ACBD5: variants seen among roughly 807,000 people sequenced by gnomAD.
ACBD5 encodes acyl-CoA-binding domain-containing protein 5.
Under a neutral mutation model 71.8 loss-of-function variants are expected in ACBD5, and 40 were observed. That is an observed-to-expected ratio of 0.56 (90% CI 0.43 to 0.72). ACBD5 has a LOEUF of 0.72. Ranked by LOEUF, ACBD5 falls within the 30% of genes least tolerant of loss-of-function variation. The pLI, the probability that ACBD5 is intolerant of heterozygous loss-of-function variation, is 0.00. For missense variants in ACBD5, 559 were observed against 644.5 expected (o/e 0.87, Z 1.44); for synonymous variants, 229 against 218.6 (o/e 1.05, Z -0.42).
rs904640753 is a variant in ACBD5 at position 27,217,876 on chromosome 10, T to C, written c.829+104A>G. On this transcript the variant is annotated intron_variant, in intron 7 of 12. Transcript: ENST00000396271. Reference sequence around the variant, plus strand: ...AATATTAATAAGCCCTAAGATATTATTAAATAAGAGATTTTTAAATTAAAC... The same window carrying C: ...AATATTAATAAGCCCTAAGATATTACTAAATAAGAGATTTTTAAATTAAAC... 4.7e-6 allele frequency: 5 copies of C among 1,074,624 alleles called. No homozygotes were observed. In the Admixed American group the frequency reaches 1.1e-4, roughly 25 times the overall value. 66.6% of individuals were successfully genotyped at this position (1,074,624 alleles called of 1,614,324 possible).
At chr10:27,209,890 C>T (rs1298050347) in intron 9 of ACBD5, among the ~76,000 whole-genome samples, 1 of 152,130 alleles carries the variant, frequency 6.6e-6, no homozygotes, top group Admixed American at 6.5e-5. Context: ...TTCACTCAAC[C>T]ATTCTCCACT....
chr10:27,237,615 G>C (rs964528604), intron 2 of ACBD5, among the ~76,000 whole-genome samples: 4 of 128,458 alleles, frequency 3.1e-5, no homozygotes, highest in African/African-American at 1.2e-4. Flanking sequence ...CCATTTGATA[G>C]GATATCTTTT....
chr10:27,199,865 G>A (rs1164278611), intron 12 of ACBD5, among the ~76,000 whole-genome samples: 2 of 152,034 alleles, frequency 1.3e-5, no homozygotes, highest in Non-Finnish European at 2.9e-5. Flanking sequence ...GGTGGCGGGC[G>A]CCTGTAGTCC....
chr10:27,241,908 G>C (rs1481858299), upstream of ACBD5: 1 of 377,390 alleles, frequency 2.6e-6, no homozygotes, highest in African/African-American at 2.1e-5. Flanking sequence ...GGTTGTGGGG[G>C]GTGGAGTCCT....
At chr10:27,224,801 C>G (rs555474188) in intron 4 of ACBD5, among the ~76,000 whole-genome samples, 1 of 152,038 alleles carries the variant, frequency 6.6e-6, no homozygotes, top group Admixed American at 6.6e-5. Context: ...GAGGCTGAGG[C>G]AGGAGGATCA....
At chr10:27,226,588 T>C (rs536100089) in intron 4 of ACBD5, among the ~76,000 whole-genome samples, 51 of 151,934 alleles carry the variant, frequency 3.4e-4, no homozygotes, top group Middle Eastern at 3.4e-3. Flanking sequence ...TCGGGCAGCA[T>C]GTGGCCCAAG....
chr10:27,190,165 A>T (rs186060592), intron 13 of ACBD5, among the ~76,000 whole-genome samples: 1 of 152,204 alleles, frequency 6.6e-6, no homozygotes, highest in African/African-American at 2.4e-5. Context: ...CGCGCCAGTA[A>T]TCCCAGCTGC....
At chr10:27,210,759 C>A in intron 9 of ACBD5, 55 bp downstream of exon 9, 1 of 1,612,822 alleles carries the variant, frequency 6.2e-7, no homozygotes, top group South Asian at 1.1e-5. Flanking sequence ...GACTCCATCT[C>A]AAAAATAAGT....
At chr10:27,224,799 G>C (rs1378031425) in intron 4 of ACBD5, among the ~76,000 whole-genome samples, 2 of 150,412 alleles carry the variant, frequency 1.3e-5, no homozygotes, top group Non-Finnish European at 2.9e-5. Context: ...GGGAGGCTGA[G>C]GCAGGAGGAT....
chr10:27,237,170 C>T lies in ACBD5; in HGVS notation c.182-1958G>A, dbSNP rs2064821502. On this transcript the variant is annotated intron_variant, in intron 2 of 12. Transcript: ENST00000396271. The stretch of plus-strand genomic sequence containing the variant: ...CATCAAAAGTCTAATCTCAAAATAT[C>T]TTCAGTAAGTCAACCAAATATGTTT... 2.6e-5 allele frequency among the ~76,000 whole-genome samples: 4 copies of T among 151,922 alleles called. No homozygotes were observed. In the East Asian group the frequency reaches 7.7e-4, roughly 29 times the overall value.
At chr10:27,216,228 C>T (rs2061613640) in intron 7 of ACBD5, among the ~76,000 whole-genome samples, 1 of 151,558 alleles carries the variant, frequency 6.6e-6, no homozygotes, top group Non-Finnish European at 1.5e-5. Context: ...GCAACCTCTG[C>T]CTCCTGGGTT....
In ACBD5 at chr10:27,234,792, T is replaced by C. The variant is rs2800391; in HGVS notation, c.302+300A>G. Among the ~76,000 whole-genome samples, 117,950 of 152,034 alleles carry C rather than the reference T, an allele frequency of 0.78. 46,000 individuals are homozygous for C. Among genetic ancestry groups the C allele is most frequent in the African/African-American group, 0.86 (35,711 of 41,474 alleles). On this transcript the variant is annotated intron_variant, in intron 3 of 12. Transcript: ENST00000396271. The stretch of plus-strand genomic sequence containing the variant: ...ACTAAAAATACAAAAATTAGCTGGG[T>C]GTGGTGGCGCGCACCTGTAATCCCA...
At position 27,240,519 on chromosome 10, in the gene ACBD5, C is replaced by T. The variant is rs1334836105; in HGVS notation, c.16-35G>A. 2.5e-6 allele frequency: 4 copies of T among 1,570,946 alleles called. No individual in the cohort carries two copies. The highest frequency in any genetic ancestry group is 1.4e-5 in the African/African-American group (1 of 73,978). On this transcript the variant is annotated intron_variant, in intron 1 of 12. Transcript: ENST00000396271. The surrounding 1 kb of genome is among the most constrained non-coding windows in gnomAD (Gnocchi z 4.1). ...GGAGCGCAGCCGCGGATCAACATGC[C>T]CCAAAAGGAGGAGGCCCGGGAGCGA...
rs937255260 is a variant in ACBD5 at position 27,231,480 on chromosome 10, G to C, written c.375+268C>G. Among the ~76,000 whole-genome samples the C allele has an allele frequency of 7.2e-5, 11 of 152,188 alleles. No homozygotes were observed. The East Asian group carries it at 1.7e-3, about 24-fold the overall frequency. Reference sequence around the variant, plus strand: ...TGCAGTGAGCCAATGTCATGCCACTGCACTCCAGCCTGGGCTACAGAGAAA... The same window carrying C: ...TGCAGTGAGCCAATGTCATGCCACTCCACTCCAGCCTGGGCTACAGAGAAA... On this transcript the variant is annotated intron_variant, in intron 4 of 12. Transcript: ENST00000396271.
chr10:27,235,290 C>T (rs973955362), intron 2 of ACBD5, 78 bp from the exon 3 acceptor site: 1 of 1,523,308 alleles, frequency 6.6e-7, no homozygotes, highest in African/African-American at 1.4e-5. Context: ...CTTAGCTATA[C>T]TAATAGTGAT....
At position 27,240,140 on chromosome 10, in the gene ACBD5, G is replaced by A. The variant is rs550749897; in HGVS notation, c.181+179C>T. ...TGAAGTACTTAAAATCTGGATATTA[G>A]ATTTTTCTCCGGTTTGGAAGATCAA... On this transcript the variant is annotated intron_variant, in intron 2 of 12. Coordinates refer to ENST00000396271, the MANE Select transcript of ACBD5 (RefSeq NM_145698.5). This position sits in a 1 kb window ranked among gnomAD's most constrained non-coding sequence, Gnocchi z 4.1. Among the ~76,000 whole-genome samples the A allele has an allele frequency of 1.3e-5, 2 of 152,266 alleles. No homozygotes were observed. The highest frequency in any genetic ancestry group is 3.9e-4 in the East Asian group (2 of 5,184).
downstream of ACBD5, among the ~76,000 whole-genome samples, chr10:27,194,472 T>C (rs182432031): frequency 7.8e-4 from 113 of 145,390 alleles, 2 homozygotes; most frequent in East Asian, 0.022. Context: ...ATTAGCCAGG[T>C]GTGGTGGTGG....
At chr10:27,216,271 C>G (rs899617831) in intron 7 of ACBD5, among the ~76,000 whole-genome samples, 1 of 152,192 alleles carries the variant, frequency 6.6e-6, no homozygotes, top group Admixed American at 6.5e-5. Flanking sequence ...CTCCAAGTAG[C>G]TGGGATTACA....
chr10:27,218,217 T>G (rs766681691), intron 6 of ACBD5, 34 bp from the exon 7 acceptor site: 1 of 1,532,290 alleles, frequency 6.5e-7, no homozygotes, highest in Non-Finnish European at 9.0e-7. Flanking sequence ...TTCATAAAAG[T>G]TCACAGTAGG....
Sources: gnomAD v4.1 joint callset for allele counts (sites outside exome capture counted in the v4.1 genomes callset) on GRCh38, gnomAD v4.1.1 for gene constraint, Gnocchi (gnomAD v3.1) non-coding constraint, MANE v1.5 for transcripts, NCBI Gene and HGNC (gene_info 2026-07-23, HGNC 2026-07-21) for gene names.